Variants in OPCML observed in about 807,000 individuals in gnomAD.
The protein encoded by OPCML is opioid-binding protein/cell adhesion molecule.
Under a neutral mutation model 37.8 loss-of-function variants are expected in OPCML, and 13 were observed. The observed-to-expected ratio is 0.34, with a 90% CI of 0.22 to 0.55. OPCML has a LOEUF of 0.55. OPCML is among the 20% of genes least tolerant of loss of function. OPCML has a pLI of 0.91. For synonymous variants in OPCML, 176 were observed against 168.8 expected (o/e 1.04, Z -0.33); for missense variants, 341 against 435.6 (o/e 0.78, Z 1.93).
intron 2 of OPCML, among the ~76,000 whole-genome samples, chr11:132,873,940 T>C (rs1221843947): frequency 6.6e-6 from 1 of 152,160 alleles, no homozygotes; most frequent in African/African-American, 2.4e-5. Flanking sequence ...ATAGCAAATT[T>C]ACCTCTCTTC....
intron 1 of OPCML, among the ~76,000 whole-genome samples, chr11:133,442,616 A>C (rs919207129): frequency 8.5e-5 from 13 of 152,184 alleles, no homozygotes; most frequent in Non-Finnish European, 1.6e-4. Flanking sequence ...TTTAATAAAA[A>C]GGAAGTAGGT....
intron 1 of OPCML, among the ~76,000 whole-genome samples, chr11:133,330,351 A>T (rs201659316): frequency 3.3e-5 from 5 of 152,330 alleles, no homozygotes; most frequent in East Asian, 1.9e-4. Flanking sequence ...TACCCAAAGG[A>T]TTATAAATCA....
chr11:132,719,967 A>T (rs1235447515), intron 2 of OPCML, among the ~76,000 whole-genome samples: 1 of 152,162 alleles, frequency 6.6e-6, no homozygotes, highest in Non-Finnish European at 1.5e-5. Flanking sequence ...TCATCTGGGG[A>T]CAGCTACCTG....
chr11:132,745,129 G>A (rs925322569), intron 2 of OPCML, among the ~76,000 whole-genome samples: 3 of 152,184 alleles, frequency 2.0e-5, no homozygotes, highest in Non-Finnish European at 4.4e-5. Context: ...GTCTGTGGCT[G>A]CATTTCAGTC....
intron 1 of OPCML, among the ~76,000 whole-genome samples, chr11:133,214,007 G>A (rs957872974): frequency 6.6e-6 from 1 of 152,090 alleles, no homozygotes; most frequent in African/African-American, 2.4e-5. Context: ...TTAAATGTTT[G>A]TGATGTGAGC....
At chr11:133,108,578 TACACACACAC>T (rs1292477145) in intron 1 of OPCML, among the ~76,000 whole-genome samples, 2 of 151,826 alleles carry the variant, frequency 1.3e-5, no homozygotes, top group African/African-American at 2.4e-5. Flanking sequence ...CACTACATTA[TACACACACAC>T]ACGCACAGAC....
At chr11:132,660,650 G>A (rs965809620) in intron 2 of OPCML, among the ~76,000 whole-genome samples, 2 of 152,002 alleles carry the variant, frequency 1.3e-5, no homozygotes, top group African/African-American at 4.8e-5. Context: ...CCTCTGTTAG[G>A]ACATGTCTCA....
Position 132,510,947 on chromosome 11 carries a change from A to G in OPCML, c.505+18114T>C, listed in dbSNP as rs538764996. Reference sequence around the variant, plus strand: ...ATGTCAGTATTACAATGTATTTTTAATATCATGTTACTGGAGAACTGAGCC... The same window carrying G: ...ATGTCAGTATTACAATGTATTTTTAGTATCATGTTACTGGAGAACTGAGCC... On this transcript the variant is annotated intron_variant, in intron 4 of 7. Transcript: ENST00000524381. Among the ~76,000 whole-genome samples the G allele has an allele frequency of 9.7e-4, 147 of 152,322 alleles. 1 individual carries two copies. The South Asian group carries it at 0.011, about 12-fold the overall frequency.
intron 2 of OPCML, among the ~76,000 whole-genome samples, chr11:132,662,531 GC>G (rs749255718): frequency 6.6e-6 from 1 of 151,996 alleles, no homozygotes; most frequent in African/African-American, 2.4e-5. Flanking sequence ...CAAAGTTCCT[GC>G]CCTATGAAAC....
At chr11:133,044,378 G>C (rs955395987) in intron 1 of OPCML, among the ~76,000 whole-genome samples, 1 of 152,204 alleles carries the variant, frequency 6.6e-6, no homozygotes, top group Non-Finnish European at 1.5e-5. Flanking sequence ...TGACTCTTGA[G>C]CATGGGGAAC....
At chr11:133,261,357 C>G (rs527591039) in intron 1 of OPCML, among the ~76,000 whole-genome samples, 2 of 152,216 alleles carry the variant, frequency 1.3e-5, no homozygotes, top group Non-Finnish European at 2.9e-5. Context: ...TCTGTCCCCC[C>G]CATCTTTCCA....
intron 2 of OPCML, among the ~76,000 whole-genome samples, chr11:132,803,953 G>A (rs1312013268): frequency 1.3e-5 from 2 of 152,140 alleles, no homozygotes; most frequent in Admixed American, 6.5e-5. Context: ...AAGAAGAAAC[G>A]TTATTATTCC....
chr11:133,499,836 G>A (rs1382318252), intron 1 of OPCML, among the ~76,000 whole-genome samples: 2 of 135,054 alleles, frequency 1.5e-5, no homozygotes, highest in Admixed American at 7.4e-5. Context: ...ATATATATGT[G>A]TATGTATATA....
At chr11:133,287,804 T>A (rs1942347312) in intron 1 of OPCML, among the ~76,000 whole-genome samples, 1 of 152,062 alleles carries the variant, frequency 6.6e-6, no homozygotes, top group African/African-American at 2.4e-5. Context: ...CCAGGTACCA[T>A]GAAGGAAAAC....
chr11:133,433,415 T>C (rs7949572), intron 1 of OPCML, among the ~76,000 whole-genome samples: 10,040 of 152,188 alleles, frequency 0.066, 1,084 homozygotes, highest in African/African-American at 0.23. Context: ...GTTCCTTTTC[T>C]ACACTATACT....
At chr11:133,371,030 A>C (rs980694152) in intron 1 of OPCML, among the ~76,000 whole-genome samples, 2 of 152,248 alleles carry the variant, frequency 1.3e-5, no homozygotes, top group Admixed American at 1.3e-4. Flanking sequence ...GATATTTCTC[A>C]AAAGAAGACA....
At chr11:132,742,821 T>C (rs1945478957) in intron 2 of OPCML, among the ~76,000 whole-genome samples, 1 of 150,146 alleles carries the variant, frequency 6.7e-6, no homozygotes, top group Non-Finnish European at 1.5e-5. Flanking sequence ...AATGTAATTA[T>C]ATACTCATTA....
intron 2 of OPCML, among the ~76,000 whole-genome samples, chr11:132,940,450 C>T (rs1055706280): frequency 6.6e-6 from 1 of 152,122 alleles, no homozygotes; most frequent in Non-Finnish European, 1.5e-5. Context: ...GTAATGAATC[C>T]CTAATGAATG....
chr11:132,420,198 A>T lies in OPCML; in HGVS notation c.1012T>A (p.Phe338Ile), dbSNP rs1210804771. The change falls in exon 8 of 8, where the codon TTT becomes ATT. Residue 338 changes from phenylalanine (F) to isoleucine (I), a missense_variant. By Grantham distance (21) the Phe-to-Ile change is conservative. Transcript: ENST00000524381. The stretch of plus-strand genomic sequence containing the variant: ...AGAGGACCTAGGATTTCTTATCAAA[A>T]CTTGATGAAGAAGTGGGCTAAGAGG... ...GTLLAHFFIKF is the reference protein window; with the variant it reads ...GTLLAHFFIKI 2 of 1,613,730 alleles carry T rather than the reference A, an allele frequency of 1.2e-6. No homozygotes were observed. The highest frequency in any genetic ancestry group is 1.7e-6 in the Non-Finnish European group (2 of 1,179,810).
Sources: gnomAD v4.1 joint callset for allele counts (sites outside exome capture counted in the v4.1 genomes callset) on GRCh38, gnomAD v4.1.1 for gene constraint, MANE v1.5 for transcripts, NCBI Gene and HGNC (gene_info 2026-07-23, HGNC 2026-07-21) for gene names.